KIF1B: variants seen among roughly 807,000 people sequenced by gnomAD.
The protein encoded by KIF1B is kinesin-like protein KIF1B.
KIF1B carries 76 observed loss-of-function variants against 241.9 expected under a neutral mutation model. That is an observed-to-expected ratio of 0.31 (90% CI 0.26 to 0.38). The LOEUF (loss-of-function observed/expected upper bound fraction) is 0.38, where lower values mean the gene tolerates loss of function less well. Ranked by LOEUF, KIF1B falls within the 10% of genes least tolerant of loss-of-function variation. The pLI, the probability that KIF1B is intolerant of heterozygous loss-of-function variation, is 1.00. For synonymous variants in KIF1B, 750 were observed against 796.7 expected, an observed-to-expected ratio of 0.94 and a Z score of 0.99; for missense variants, 1,622 against 2,271.4, an observed-to-expected ratio of 0.71 and a Z score of 5.81.
At chr1:10,327,501 CA>C (rs570948893) in intron 27 of KIF1B, among the ~76,000 whole-genome samples, 4,935 of 73,878 alleles carry the variant, frequency 0.067, 66 homozygotes, top group Non-Finnish European at 0.071. Flanking sequence ...AACTCCGTCT[CA>C]AAAAAAAAAA....
chr1:10,289,817 G>C (rs1649898677), intron 15 of KIF1B, among the ~76,000 whole-genome samples: 1 of 152,164 alleles, frequency 6.6e-6, no homozygotes, highest in African/African-American at 2.4e-5. Flanking sequence ...CTGGGAGGTG[G>C]AAGTTGCAGT....
At chr1:10,264,162 A>G (rs1648314595) in intron 5 of KIF1B, among the ~76,000 whole-genome samples, 1 of 152,090 alleles carries the variant, frequency 6.6e-6, no homozygotes, top group African/African-American at 2.4e-5. Context: ...CATACTCATC[A>G]TGTTCTAACA....
At chr1:10,273,735 AAAAAC>A (rs1648943958) in intron 10 of KIF1B, among the ~76,000 whole-genome samples, 1 of 87,498 alleles carries the variant, frequency 1.1e-5, no homozygotes, top group African/African-American at 3.3e-5. Flanking sequence ...AAAAAAAAAA[AAAAAC>A]CCAACAAACA....
At chr1:10,318,421 A>G (rs1254445869) in intron 22 of KIF1B, among the ~76,000 whole-genome samples, 2 of 151,550 alleles carry the variant, frequency 1.3e-5, no homozygotes, top group Non-Finnish European at 2.9e-5. Context: ...GGTCACTGCT[A>G]GGGAACCAAA....
At position 10,339,749 on chromosome 1, in the gene KIF1B, T is replaced by C. The variant is rs778793566; in HGVS notation, c.3423-20T>C. 4.4e-6 allele frequency: 7 copies of C among 1,609,012 alleles called. No individual in the cohort carries two copies. The Admixed American group carries it at 1.2e-4, about 27-fold the overall frequency. ...CCGTTTAATGCATTGTTCACGAGTC[T>C]TTTTATTTTTTTTATGAAGCTTTTT... On this transcript the variant is annotated intron_variant, in intron 31 of 48. Coordinates refer to ENST00000676179, the MANE Select transcript of KIF1B (RefSeq NM_001365951.3).
chr1:10,215,165 TATATATA>T (rs1370976881), intron 1 of KIF1B, among the ~76,000 whole-genome samples: 1,054 of 58,960 alleles, frequency 0.018, 6 homozygotes, highest in East Asian at 0.044. Flanking sequence ...TATATATATA[TATATATA>T]TTTTTTTTTT....
rs1410939662 is a variant in KIF1B at position 10,378,425 on chromosome 1, A to G, written c.*1838A>G. 1 of 717,912 alleles carries G rather than the reference A, an allele frequency of 1.4e-6. No individual in the cohort carries two copies. Among genetic ancestry groups the G allele is most frequent in the Non-Finnish European group, 2.6e-6 (1 of 385,186 alleles). The allele number at this position is 717,912 out of a possible 1,614,324, so 44.5% of individuals were successfully genotyped here. A position where few individuals can be genotyped will look rare whatever the true frequency, so the allele number is the denominator to read the frequency against. On this transcript the variant is annotated 3_prime_UTR_variant, in exon 49 of 49. Coordinates refer to ENST00000676179, the MANE Select transcript of KIF1B (RefSeq NM_001365951.3). ...TAAGTTTTCCAGGATGAGAGGGGAA[A>G]AAGAAAGCCTCCAGTGACTTCAGTT...
At chr1:10,223,546 G>GTTTTTTTT (rs113574017) in intron 1 of KIF1B, among the ~76,000 whole-genome samples, 5 of 131,248 alleles carry the variant, frequency 3.8e-5, no homozygotes, top group Non-Finnish European at 6.5e-5. Context: ...GTTTTGTTTT[G>GTTTTTTTT]TTTTTTTTTT....
At chr1:10,369,701 G>A (rs1039648414) in intron 44 of KIF1B, among the ~76,000 whole-genome samples, 4 of 152,214 alleles carry the variant, frequency 2.6e-5, no homozygotes, top group Admixed American at 6.5e-5. Flanking sequence ...GGGAGGCCAA[G>A]GCGGGAAGAT....
intron 22 of KIF1B, among the ~76,000 whole-genome samples, chr1:10,315,171 CT>C (rs765236286): frequency 0.14 from 11,046 of 79,966 alleles, 529 homozygotes; most frequent in African/African-American, 0.16. Flanking sequence ...CAAGAATATT[CT>C]TTTTTTTTTT....
chr1:10,370,614 G>GAAA (rs1638705388), intron 44 of KIF1B, among the ~76,000 whole-genome samples: 1 of 147,118 alleles, frequency 6.8e-6, no homozygotes, highest in South Asian at 2.2e-4. Context: ...AGAAGAAGAA[G>GAAA]ACATAGCAAG....
intron 1 of KIF1B, among the ~76,000 whole-genome samples, chr1:10,231,418 CT>C (rs1646982261): frequency 1.1e-5 from 1 of 93,664 alleles, no homozygotes; most frequent in African/African-American, 4.5e-5. Flanking sequence ...TGGTGTCTTG[CT>C]TTGTTGCCCA....
At chr1:10,281,728 T>C (rs1227458829) in intron 14 of KIF1B, among the ~76,000 whole-genome samples, 1 of 152,248 alleles carries the variant, frequency 6.6e-6, no homozygotes, top group Non-Finnish European at 1.5e-5. Context: ...TACCCCTTTT[T>C]TATTTAAGAC....
At chr1:10,280,905 T>C (rs1484782846) in intron 14 of KIF1B, among the ~76,000 whole-genome samples, 1 of 152,236 alleles carries the variant, frequency 6.6e-6, no homozygotes, top group African/African-American at 2.4e-5. Context: ...GTTTCCATTT[T>C]GATCTATTTC....
chr1:10,325,843 A>G lies in KIF1B; in HGVS notation c.2676-268A>G, dbSNP rs75461609. 5.4e-4 allele frequency among the ~76,000 whole-genome samples: 82 copies of G among 152,318 alleles called. 6 individuals are homozygous for G. The East Asian group carries it at 0.015, about 28-fold the overall frequency. On this transcript the variant is annotated intron_variant, in intron 26 of 48. Coordinates refer to ENST00000676179, the MANE Select transcript of KIF1B (RefSeq NM_001365951.3). ...CTGGAGAATGTAAACGTGTTATAGCACAGTATTTACCTAGGATGGTCTACT... is the reference window on the plus strand; with the variant it reads ...CTGGAGAATGTAAACGTGTTATAGCGCAGTATTTACCTAGGATGGTCTACT...
chr1:10,301,085 G>A (rs974634733), intron 22 of KIF1B, among the ~76,000 whole-genome samples: 22 of 151,942 alleles, frequency 1.4e-4, no homozygotes, highest in African/African-American at 4.6e-4. Context: ...CTGTAGTCCC[G>A]GCTAAGGCAG....
chr1:10,227,276 A>G (rs1302371338), intron 1 of KIF1B, among the ~76,000 whole-genome samples: 1 of 151,796 alleles, frequency 6.6e-6, no homozygotes, highest in Non-Finnish European at 1.5e-5. Context: ...CTCGTGATCT[A>G]CCCATCTCAG....
At chr1:10,228,583 C>G (rs17034591) in intron 1 of KIF1B, among the ~76,000 whole-genome samples, 5,399 of 152,208 alleles carry the variant, frequency 0.035, 118 homozygotes, top group Middle Eastern at 0.13. Flanking sequence ...AAAATTAACC[C>G]AAATCAACAA....
chr1:10,374,703 AC>A lies in KIF1B; in HGVS notation c.5097-150del, dbSNP rs1638836338. Reference sequence around the variant, plus strand: ...GGCACGGTTTCGCTTTTGCCGTATTACTTTGGCAGATAAGATTCTAGGCCAA... The same window carrying A: ...GGCACGGTTTCGCTTTTGCCGTATTATTTGGCAGATAAGATTCTAGGCCAA... On this transcript the variant is annotated intron_variant, in intron 46 of 48. Coordinates refer to ENST00000676179, the MANE Select transcript of KIF1B (RefSeq NM_001365951.3). The surrounding 1 kb of genome is among the most constrained non-coding windows in gnomAD (Gnocchi z 4.3). 5.5e-6 allele frequency: 5 copies of A among 916,190 alleles called. No individual in the cohort carries two copies. The highest frequency in any genetic ancestry group is 2.0e-5 in the Admixed American group (1 of 49,282). 56.8% of individuals were successfully genotyped at this position (916,190 alleles called of 1,614,324 possible).
Sources: allele counts gnomAD v4.1 joint callset (sites outside exome capture counted in the v4.1 genomes callset), GRCh38; gene constraint gnomAD v4.1.1; non-coding constraint Gnocchi (gnomAD v3.1); transcripts MANE v1.5; gene names NCBI Gene and HGNC (gene_info 2026-07-23, HGNC 2026-07-21).